The following SLC7A2 variants were observed in gnomAD, a reference collection of about 807,000 sequenced individuals.
The protein encoded by SLC7A2 is solute carrier family 7 member 2.
Under a neutral mutation model 58.9 loss-of-function variants are expected in SLC7A2, and 48 were observed. The ratio of observed to expected loss-of-function variants is 0.82; its 90% confidence interval spans 0.65 to 1.04. The LOEUF is 1.04. SLC7A2 is among the 50% of genes least tolerant of loss of function. The pLI is 0.00. For synonymous variants in SLC7A2, 363 were observed against 314.5 expected (o/e 1.15, Z -1.63); for missense variants, 1,029 against 818.8 (o/e 1.26, Z -3.13).
chr8:17,534,675 G>A (rs1393364453), intron 2 of SLC7A2, among the ~76,000 whole-genome samples: 2 of 138,852 alleles, frequency 1.4e-5, no homozygotes, highest in African/African-American at 2.7e-5. Context: ...TTTTAGAACA[G>A]GAGTGCAAGT....
At chr8:17,495,493 G>A (rs1373929453), upstream of SLC7A2, among the ~76,000 whole-genome samples, 12 of 152,106 alleles carry the variant, frequency 7.9e-5, no homozygotes, top group South Asian at 2.1e-4. Flanking sequence ...AAGACATTTG[G>A]TCTATCAGAT....
At chr8:17,507,009 A>G (rs148731305) in intron 2 of SLC7A2, among the ~76,000 whole-genome samples, 1,892 of 151,238 alleles carry the variant, frequency 0.013, 44 homozygotes, top group African/African-American at 0.044. Context: ...CAATGGTGCA[A>G]TCTTGGCTCA....
intron 2 of SLC7A2, among the ~76,000 whole-genome samples, chr8:17,509,001 AGATGCTGGTG>A (rs1263785727): frequency 6.6e-6 from 1 of 152,018 alleles, no homozygotes; most frequent in East Asian, 1.9e-4. Context: ...TGAAAGTTGG[AGATGCTGGTG>A]GTGTAAGGCA....
At chr8:17,528,577 C>T (rs1801313809) in intron 2 of SLC7A2, among the ~76,000 whole-genome samples, 1 of 152,014 alleles carries the variant, frequency 6.6e-6, no homozygotes, top group African/African-American at 2.4e-5. Flanking sequence ...CGGGGTTTTG[C>T]TCTGTCGTTC....
intron 2 of SLC7A2, among the ~76,000 whole-genome samples, chr8:17,504,860 C>G (rs1800300450): frequency 6.6e-6 from 1 of 152,130 alleles, no homozygotes; most frequent in Non-Finnish European, 1.5e-5. Flanking sequence ...ACAGTTTTTT[C>G]TAATGAAAGG....
At chr8:17,520,487 A>G (rs973144065) in intron 2 of SLC7A2, among the ~76,000 whole-genome samples, 1 of 151,640 alleles carries the variant, frequency 6.6e-6, no homozygotes, top group South Asian at 2.1e-4. Context: ...CTAAAAATAC[A>G]AAAATTAGCC....
chr8:17,523,489 A>T lies in SLC7A2; in HGVS notation c.-22-19829A>T, dbSNP rs965991140. On this transcript the variant is annotated intron_variant, in intron 2 of 12. Transcript: ENST00000494857. ...TTTACAGCCAACTAATCTTCAACAA[A>T]GCAAACATGGCATAAAGTGGGGAAA... 8.5e-5 allele frequency among the ~76,000 whole-genome samples: 13 copies of T among 152,206 alleles called. 1 individual carries two copies. The highest frequency in any genetic ancestry group is 7.2e-4 in the Admixed American group (11 of 15,270).
chr8:17,538,985 T>G (rs1009553524), intron 2 of SLC7A2: 4 of 1,418,268 alleles, frequency 2.8e-6, no homozygotes, highest in Non-Finnish European at 4.0e-6. Context: ...ATGTCAACCT[T>G]TACTTAGGGG....
Position 17,570,500 on chromosome 8 carries a change from G to A in SLC7A2, c.*5354G>A, listed in dbSNP as rs1803455736. On this transcript the variant is annotated 3_prime_UTR_variant, in exon 13 of 13. Coordinates refer to ENST00000494857, the MANE Select transcript of SLC7A2 (RefSeq NM_001370338.1). ...GAATTTGTAATAAATAAAAACTGCT[G>A]CTTTACCACTGTAAAATATGCTTTC... 2 of 152,466 alleles carry A rather than the reference G, an allele frequency of 1.3e-5. No homozygotes were observed. The highest frequency in any genetic ancestry group is 4.2e-4 in the South Asian group (2 of 4,806). The allele number at this position is 152,466 out of a possible 1,614,324, so 9.4% of individuals were successfully genotyped here.
chr8:17,560,638 T>G, intron 10 of SLC7A2, 105 bp downstream of exon 10: 1 of 934,142 alleles, frequency 1.1e-6, no homozygotes, highest in Non-Finnish European at 1.7e-6. Context: ...CCCTAGAATA[T>G]ATTAGCAACC....
intron 8 of SLC7A2, among the ~76,000 whole-genome samples, chr8:17,558,074 A>C (rs1802792620): frequency 6.6e-6 from 1 of 152,104 alleles, no homozygotes; most frequent in Admixed American, 6.6e-5. Context: ...TGCGCCTTGG[A>C]TAGTTGCCAG....
chr8:17,496,428 A>T (rs78451026), upstream of SLC7A2, among the ~76,000 whole-genome samples: 98 of 152,320 alleles, frequency 6.4e-4, 1 homozygote, highest in East Asian at 0.016. Context: ...AGGCTTTCAC[A>T]TTGTGACTTA....
intron 2 of SLC7A2, among the ~76,000 whole-genome samples, chr8:17,534,484 C>T (rs180689478): frequency 6.6e-6 from 1 of 152,248 alleles, no homozygotes; most frequent in East Asian, 1.9e-4. Context: ...ATTGCCAAGA[C>T]TCAGAGATCG....
At chr8:17,511,096 G>A (rs2150666809) in intron 2 of SLC7A2, 1 of 151,478 alleles carries the variant, frequency 6.6e-6, no homozygotes, top group Admixed American at 6.6e-5. Flanking sequence ...ACTGGGGCCG[G>A]TTGAGGAGTT....
At chr8:17,527,412 A>G (rs1021310880) in intron 2 of SLC7A2, among the ~76,000 whole-genome samples, 9 of 152,240 alleles carry the variant, frequency 5.9e-5, no homozygotes, top group African/African-American at 2.2e-4. Flanking sequence ...ATGAATAAAT[A>G]TAGACCTCGA....
At chr8:17,550,269 T>G in intron 5 of SLC7A2, 32 bp from the exon 6 acceptor site, 1 of 1,605,294 alleles carries the variant, frequency 6.2e-7, no homozygotes, top group Non-Finnish European at 8.5e-7. Context: ...TCTGTCAAAG[T>G]GACTTTCCAA....
At chr8:17,556,138 A>G (rs1463174148) in intron 8 of SLC7A2, among the ~76,000 whole-genome samples, 1 of 152,154 alleles carries the variant, frequency 6.6e-6, no homozygotes, top group East Asian at 1.9e-4. Flanking sequence ...TTATTTTCTC[A>G]GGCTTAGATT....
chr8:17,543,742 G>T (rs1291848711), intron 3 of SLC7A2, 27 bp downstream of exon 3: 3 of 1,509,704 alleles, frequency 2.0e-6, no homozygotes, highest in African/African-American at 2.8e-5. Context: ...AATCTAACTT[G>T]TGTGGAATGG....
At chr8:17,561,843 G>A in intron 10 of SLC7A2, 101 bp from the exon 11 acceptor site, 2 of 1,057,608 alleles carry the variant, frequency 1.9e-6, no homozygotes, top group African/African-American at 1.6e-5. Context: ...CCAAGTAGAT[G>A]TGTACAGAAG....
Sources: gnomAD v4.1 joint callset for allele counts (sites outside exome capture counted in the v4.1 genomes callset) on GRCh38, gnomAD v4.1.1 for gene constraint, MANE v1.5 for transcripts, NCBI Gene and HGNC (gene_info 2026-07-23, HGNC 2026-07-21) for gene names.